The following DPP6 variants were observed in gnomAD, a reference collection of about 807,000 sequenced individuals.
DPP6 encodes the protein A-type potassium channel modulatory protein DPP6.
DPP6 carries 69 observed loss-of-function variants against 122.6 expected under a neutral mutation model. The ratio of observed to expected loss-of-function variants is 0.56; its 90% confidence interval spans 0.46 to 0.69. The LOEUF is 0.69. DPP6 is among the 30% of genes least tolerant of loss of function. The pLI, the probability that DPP6 is intolerant of heterozygous loss-of-function variation, is 0.00. For synonymous variants in DPP6, 418 were observed against 433.1 expected, an observed-to-expected ratio of 0.97 and a Z score of 0.43; for missense variants, 928 against 1,116.9, an observed-to-expected ratio of 0.83 and a Z score of 2.41.
chr7:154,045,309 C>G (rs1326420262), intron 1 of DPP6, among the ~76,000 whole-genome samples: 2 of 152,144 alleles, frequency 1.3e-5, no homozygotes, highest in East Asian at 1.9e-4. Flanking sequence ...AATGTATAAG[C>G]TGTTATCTGA....
intron 1 of DPP6, among the ~76,000 whole-genome samples, chr7:153,978,091 G>C (rs1490255133): frequency 6.6e-6 from 1 of 152,160 alleles, no homozygotes; most frequent in African/African-American, 2.4e-5. Flanking sequence ...GCTGGGTCAA[G>C]TGATATTTCT....
chr7:154,289,892 G>T (rs1805094435), intron 1 of DPP6, among the ~76,000 whole-genome samples: 1 of 152,196 alleles, frequency 6.6e-6, no homozygotes, highest in Non-Finnish European at 1.5e-5. Flanking sequence ...CCATGAGCCA[G>T]GGTGATGAGG....
At chr7:154,752,392 C>T (rs142923508) in intron 8 of DPP6, among the ~76,000 whole-genome samples, 158 of 152,256 alleles carry the variant, frequency 1.0e-3, no homozygotes, top group African/African-American at 3.7e-3. Context: ...TGGCAAGGAG[C>T]GGGCCTTGCT....
chr7:154,548,343 T>C (rs1471572913), intron 4 of DPP6, among the ~76,000 whole-genome samples: 2 of 151,756 alleles, frequency 1.3e-5, no homozygotes, highest in Admixed American at 1.3e-4. Flanking sequence ...GGTGGGCGGA[T>C]CACAAGGTTT....
chr7:154,288,520 A>G (rs151151612), intron 1 of DPP6, among the ~76,000 whole-genome samples: 2 of 152,328 alleles, frequency 1.3e-5, no homozygotes, highest in South Asian at 2.1e-4. Context: ...ATTCTTCCTT[A>G]GGAGAGGAGA....
At position 154,403,559 on chromosome 7, in the gene DPP6, G is replaced by T. The variant is rs1815824482; in HGVS notation, c.244-42655G>T. ...GAAGCTCCTGTGCATCCAACTCTGG[G>T]CTGGGAAAGCAAAGAGCACTGGGCA... On this transcript the variant is annotated intron_variant, in intron 1 of 25. Transcript: ENST00000377770. This position sits in a 1 kb window ranked among gnomAD's most constrained non-coding sequence, Gnocchi z 4.1. 6.6e-6 allele frequency among the ~76,000 whole-genome samples: 1 copy of T among 152,210 alleles called. No individual in the cohort carries two copies.
chr7:154,805,548 G>A (rs1563231156), intron 15 of DPP6, among the ~76,000 whole-genome samples: 1 of 152,142 alleles, frequency 6.6e-6, no homozygotes, highest in Non-Finnish European at 1.5e-5. Flanking sequence ...TAGCTATAAA[G>A]TAGAAGGCTA....
chr7:153,749,267 G>A, the DPP6 span, among the ~76,000 whole-genome samples: 55 of 152,248 alleles, frequency 3.6e-4, no homozygotes, highest in African/African-American at 1.2e-3. This position sits in a 1 kb window ranked among gnomAD's most constrained non-coding sequence, Gnocchi z 4.1. Context: ...CCACCCTGGG[G>A]CTGGAGATCC....
At chr7:154,516,863 T>C (rs1234545087) in intron 3 of DPP6, among the ~76,000 whole-genome samples, 1 of 152,208 alleles carries the variant, frequency 6.6e-6, no homozygotes, top group East Asian at 1.9e-4. Flanking sequence ...TTCTAGCACT[T>C]GTGTGTGTTT....
At chr7:154,762,945 G>C (rs1795653071) in intron 8 of DPP6, among the ~76,000 whole-genome samples, 1 of 152,256 alleles carries the variant, frequency 6.6e-6, no homozygotes, top group African/African-American at 2.4e-5. Context: ...GTGTGGAAGT[G>C]GCAGGGGACT....
the DPP6 span, among the ~76,000 whole-genome samples, chr7:153,808,813 G>A: frequency 6.6e-6 from 1 of 151,976 alleles, no homozygotes; most frequent in Non-Finnish European, 1.5e-5. Context: ...AGTTGCATCT[G>A]TATCTTGATT....
At chr7:153,902,545 T>A (rs1175690792) in intron 1 of DPP6, among the ~76,000 whole-genome samples, 1 of 151,970 alleles carries the variant, frequency 6.6e-6, no homozygotes, top group African/African-American at 2.4e-5. Flanking sequence ...GATGAAAAAG[T>A]GCTTATAGGC....
At chr7:154,359,705 A>G (rs983572098) in intron 1 of DPP6, among the ~76,000 whole-genome samples, 2 of 152,220 alleles carry the variant, frequency 1.3e-5, no homozygotes, top group African/African-American at 4.8e-5. Flanking sequence ...ACTCGTGAAT[A>G]AATGAATGTA....
chr7:153,982,132 G>A (rs1285618766), intron 1 of DPP6, among the ~76,000 whole-genome samples: 2 of 152,030 alleles, frequency 1.3e-5, no homozygotes, highest in Non-Finnish European at 2.9e-5. Context: ...ATATCCTGAA[G>A]TGTGTTTTCC....
Position 154,486,965 on chromosome 7 carries a change from A to G in DPP6, c.457+11928A>G, listed in dbSNP as rs928181821. On this transcript the variant is annotated intron_variant, in intron 3 of 25. Coordinates refer to ENST00000377770, the MANE Select transcript of DPP6 (RefSeq NM_130797.4). The surrounding 1 kb of genome is among the most constrained non-coding windows in gnomAD (Gnocchi z 4.5). The stretch of plus-strand genomic sequence containing the variant: ...TCCACTGGGCCAACTTGCTTCCTGC[A>G]GAGATACATGTTCAGACTCTACTAA... 3.3e-5 allele frequency among the ~76,000 whole-genome samples: 5 copies of G among 152,194 alleles called. No individual in the cohort carries two copies. The highest frequency in any genetic ancestry group is 7.3e-5 in the Non-Finnish European group (5 of 68,030).
At position 154,771,276 on chromosome 7, in the gene DPP6, A is replaced by G. The variant is rs115411361; in HGVS notation, c.1039-1569A>G. Among the ~76,000 whole-genome samples, 733 of 152,274 alleles carry G rather than the reference A, an allele frequency of 4.8e-3. 3 individuals are homozygous for G. Among genetic ancestry groups the G allele is most frequent in the African/African-American group, 0.017 (698 of 41,566 alleles). On this transcript the variant is annotated intron_variant, in intron 9 of 25. Transcript: ENST00000377770. ...ACAATGAAATAACACAGACCTAGGC[A>G]GCTTAAACAGCAGGAATTTCTTTCT...
At chr7:154,647,610 C>A (rs1467565524) in intron 6 of DPP6, among the ~76,000 whole-genome samples, 1 of 152,156 alleles carries the variant, frequency 6.6e-6, no homozygotes, top group Non-Finnish European at 1.5e-5. Flanking sequence ...GTGCCCTGGG[C>A]TCCCTCTGGT....
At chr7:153,794,030 C>G in the DPP6 span, among the ~76,000 whole-genome samples, 2 of 152,242 alleles carry the variant, frequency 1.3e-5, no homozygotes, top group Non-Finnish European at 2.9e-5. Flanking sequence ...AAGTTTGCTG[C>G]AGGAGCAGGG....
chr7:154,142,943 G>T (rs1394626113), intron 1 of DPP6, among the ~76,000 whole-genome samples: 1 of 138,638 alleles, frequency 7.2e-6, no homozygotes, highest in Non-Finnish European at 1.5e-5. Flanking sequence ...CACCTTCACA[G>T]TCTTCCATAT....
Sources: gnomAD v4.1 joint callset for allele counts (sites outside exome capture counted in the v4.1 genomes callset) on GRCh38, gnomAD v4.1.1 for gene constraint, Gnocchi (gnomAD v3.1) non-coding constraint, MANE v1.5 for transcripts, NCBI Gene and HGNC (gene_info 2026-07-23, HGNC 2026-07-21) for gene names.